The following L3MBTL4 variants were observed in gnomAD, a reference collection of about 807,000 sequenced individuals.
L3MBTL4 encodes the protein L3MBTL histone methyl-lysine binding protein 4.
A neutral mutation model predicts 84.5 loss-of-function variants in L3MBTL4; 70 were observed. That is an observed-to-expected ratio of 0.83 (90% CI 0.68 to 1.01). The LOEUF is 1.01. Ranked by LOEUF, L3MBTL4 falls within the 50% of genes least tolerant of loss-of-function variation. The pLI, the probability that L3MBTL4 is intolerant of heterozygous loss-of-function variation, is 0.00. For synonymous variants in L3MBTL4, 274 were observed against 259.8 expected (o/e 1.05, Z -0.52); for missense variants, 715 against 754.8 (o/e 0.95, Z 0.62).
rs188710327 is a variant in L3MBTL4, at chr18:6,164,153, A to G, written c.1096+7675T>C. The stretch of plus-strand genomic sequence containing the variant: ...GGGGTAGGGGCGCCCACCATTGCAG[A>G]GGCTTGAGTAGGTAAACAAAGAGGC... On this transcript the variant is annotated intron_variant, in intron 13 of 18. Coordinates refer to ENST00000317931, the MANE Select transcript of L3MBTL4 (RefSeq NM_001330559.2). Among the ~76,000 whole-genome samples, 3 of 152,338 alleles carry G rather than the reference A, an allele frequency of 2.0e-5. No individual in the cohort carries two copies. In the East Asian group the frequency reaches 5.8e-4, roughly 29 times the overall value.
intron 1 of L3MBTL4, among the ~76,000 whole-genome samples, chr18:6,355,798 C>A (rs1235220580): frequency 6.6e-6 from 1 of 151,736 alleles, no homozygotes; most frequent in Non-Finnish European, 1.5e-5. Flanking sequence ...ACTTTAGCAC[C>A]CTCATTTTAT....
At position 6,165,373 on chromosome 18, in the gene L3MBTL4, T is replaced by A. The variant is rs190285953; in HGVS notation, c.1096+6455A>T. The stretch of plus-strand genomic sequence containing the variant: ...TCGAGAAGAGCAATTCCAAGACACA[T>A]AATTGTCAGATTCACCAAAGTTGAA... On this transcript the variant is annotated intron_variant, in intron 13 of 18. Coordinates refer to ENST00000317931, the MANE Select transcript of L3MBTL4 (RefSeq NM_001330559.2). Among the ~76,000 whole-genome samples the A allele has an allele frequency of 7.8e-3, 1,181 of 152,014 alleles. 17 individuals are homozygous for A. The highest frequency in any genetic ancestry group is 0.027 in the African/African-American group (1,132 of 41,458).
chr18:6,322,551 C>T (rs2051481660), intron 1 of L3MBTL4, among the ~76,000 whole-genome samples: 2 of 151,622 alleles, frequency 1.3e-5, no homozygotes, highest in South Asian at 4.2e-4. Context: ...GAGATATCTG[C>T]ACTCCCATGT....
intron 1 of L3MBTL4, among the ~76,000 whole-genome samples, chr18:6,320,034 A>G (rs931881641): frequency 6.6e-6 from 1 of 152,086 alleles, no homozygotes; most frequent in African/African-American, 2.4e-5. Context: ...AAAATTAAAA[A>G]CAAAAGCCAT....
intron 4 of L3MBTL4, among the ~76,000 whole-genome samples, chr18:6,265,122 A>G (rs938111414): frequency 2.6e-5 from 4 of 152,230 alleles, no homozygotes; most frequent in African/African-American, 4.8e-5. Flanking sequence ...AATAGATTAA[A>G]TGATCATTTT....
At chr18:6,222,658 C>T (rs918453308) in intron 10 of L3MBTL4, among the ~76,000 whole-genome samples, 7 of 152,158 alleles carry the variant, frequency 4.6e-5, no homozygotes, top group Admixed American at 6.5e-5. Context: ...CTGAGTGACA[C>T]TCTATTACAG....
At chr18:6,307,736 A>C (rs1014836130) in intron 3 of L3MBTL4, among the ~76,000 whole-genome samples, 1 of 152,222 alleles carries the variant, frequency 6.6e-6, no homozygotes, top group African/African-American at 2.4e-5. Context: ...TCATATTTCT[A>C]TCTCTCAAAG....
intron 13 of L3MBTL4, among the ~76,000 whole-genome samples, chr18:6,144,819 G>A (rs1401678707): frequency 1.3e-5 from 2 of 152,106 alleles, no homozygotes; most frequent in Admixed American, 6.5e-5. Flanking sequence ...CCCCATCTTT[G>A]GACTCCCTGG....
At chr18:6,025,211 C>T (rs1400403466) in intron 16 of L3MBTL4, 1 of 152,172 alleles carries the variant, frequency 6.6e-6, no homozygotes, top group Non-Finnish European at 1.5e-5. Flanking sequence ...GCTAAGCATC[C>T]ATTGGATAGC....
intron 1 of L3MBTL4, among the ~76,000 whole-genome samples, chr18:6,382,138 T>G (rs1262213407): frequency 6.6e-6 from 1 of 152,240 alleles, no homozygotes; most frequent in Non-Finnish European, 1.5e-5. Context: ...TTGATACTTG[T>G]GTATGCTTCA....
intron 16 of L3MBTL4, among the ~76,000 whole-genome samples, chr18:6,016,743 T>A (rs2055000355): frequency 6.6e-6 from 1 of 152,188 alleles, no homozygotes; most frequent in Admixed American, 6.5e-5. Context: ...GATAAACAAA[T>A]AGGAGAACAT....
intron 14 of L3MBTL4, among the ~76,000 whole-genome samples, chr18:6,125,395 T>C (rs908000259): frequency 4.6e-5 from 7 of 152,182 alleles, no homozygotes; most frequent in Non-Finnish European, 8.8e-5. Flanking sequence ...TCTTTCTTTT[T>C]AAAAAAATAG....
intron 1 of L3MBTL4, among the ~76,000 whole-genome samples, chr18:6,326,155 C>T (rs567744993): frequency 4.6e-5 from 7 of 152,290 alleles, no homozygotes; most frequent in South Asian, 2.1e-4. Context: ...AAGCTGCGCC[C>T]TGGCATTTCT....
intron 4 of L3MBTL4, among the ~76,000 whole-genome samples, chr18:6,297,151 A>G (rs2050140410): frequency 6.6e-6 from 1 of 152,196 alleles, no homozygotes; most frequent in Admixed American, 6.5e-5. Flanking sequence ...GTTTCAGTGC[A>G]ATGATGATTA....
intron 17 of L3MBTL4, among the ~76,000 whole-genome samples, chr18:5,963,580 CCTAT>C (rs2052176436): frequency 2.6e-5 from 4 of 152,190 alleles, no homozygotes; most frequent in African/African-American, 7.2e-5. Flanking sequence ...TTTGATTCGG[CCTAT>C]CTGTCTTTTT....
chr18:6,272,135 AGG>A (rs1491523552), intron 4 of L3MBTL4, among the ~76,000 whole-genome samples: 2 of 151,974 alleles, frequency 1.3e-5, no homozygotes, highest in Non-Finnish European at 2.9e-5. Flanking sequence ...CCAGAGAGAG[AGG>A]AAAAAAGAAG....
intron 9 of L3MBTL4, 36 bp downstream of exon 9, chr18:6,239,682 G>T (rs1433614488): frequency 1.3e-6 from 2 of 1,598,816 alleles, no homozygotes; most frequent in South Asian, 1.1e-5. Flanking sequence ...TCAAACATAT[G>T]AATACACAAA....
chr18:6,038,292 C>T (rs577801285), intron 16 of L3MBTL4, among the ~76,000 whole-genome samples: 6 of 132,522 alleles, frequency 4.5e-5, no homozygotes, highest in African/African-American at 1.4e-4. Context: ...CTTGCTCTGT[C>T]GCCCAAGCTG....
At chr18:6,402,407 A>G (rs1228142288) in intron 1 of L3MBTL4, among the ~76,000 whole-genome samples, 1 of 152,226 alleles carries the variant, frequency 6.6e-6, no homozygotes, top group African/African-American at 2.4e-5. Flanking sequence ...TTAATAAAAT[A>G]TAACTCAGTC....
Sources: gnomAD v4.1 joint callset for allele counts (sites outside exome capture counted in the v4.1 genomes callset) on GRCh38, gnomAD v4.1.1 for gene constraint, MANE v1.5 for transcripts, NCBI Gene and HGNC (gene_info 2026-07-23, HGNC 2026-07-21) for gene names.